NCALD: variants seen among roughly 807,000 people sequenced by gnomAD.
The protein encoded by NCALD is neurocalcin-delta.
NCALD carries 10 observed loss-of-function variants against 18.6 expected under a neutral mutation model. That is an observed-to-expected ratio of 0.54 (90% CI 0.33 to 0.91). The LOEUF (loss-of-function observed/expected upper bound fraction) is 0.91. NCALD is among the 40% of genes least tolerant of loss of function. NCALD has a pLI of 0.03. For missense variants in NCALD, 184 were observed against 247.6 expected (o/e 0.74, Z 1.72); for synonymous variants, 88 against 87.4 (o/e 1.01, Z -0.04).
chr8:101,789,788 C>T (rs1812379486), intron 1 of NCALD, among the ~76,000 whole-genome samples: 1 of 152,106 alleles, frequency 6.6e-6, no homozygotes, highest in Admixed American at 6.5e-5. Flanking sequence ...AACTTCAGTA[C>T]TACAGGTATT....
At chr8:101,803,726 G>A (rs73699655) in intron 4 of NCALD, among the ~76,000 whole-genome samples, 2,594 of 152,292 alleles carry the variant, frequency 0.017, 61 homozygotes, top group African/African-American at 0.059. Flanking sequence ...TATAGGGGTT[G>A]AAGACTTCAG....
At chr8:101,939,769 C>A (rs1019859890) in intron 2 of NCALD, among the ~76,000 whole-genome samples, 1 of 152,166 alleles carries the variant, frequency 6.6e-6, no homozygotes, top group African/African-American at 2.4e-5. Context: ...ATGAGCATTG[C>A]GGAATGCCTA....
chr8:101,690,701 TAA>T, intron 3 of NCALD: 1 of 985,468 alleles, frequency 1.0e-6, no homozygotes, highest in South Asian at 4.7e-5. Context: ...ATGCATTTAT[TAA>T]TTTATTTTTA....
At chr8:102,012,900 T>C (rs2132072173) in intron 2 of NCALD, among the ~76,000 whole-genome samples, 1 of 152,282 alleles carries the variant, frequency 6.6e-6, no homozygotes, top group Middle Eastern at 3.4e-3. Context: ...AGGAGTTGAG[T>C]AAACATATAA....
rs78069044 is a variant in NCALD at position 101,705,654 on chromosome 8, C to T, written c.379-12758G>A. On this transcript the variant is annotated intron_variant, in intron 2 of 3. Transcript: ENST00000220931. ...CAAAGTCAGATCATAAAAGGAGATA[C>T]AGCTCTGCCTGGTTCTCTTTCTTGG... 6.6e-3 allele frequency among the ~76,000 whole-genome samples: 1,001 copies of T among 152,276 alleles called. 6 individuals carry two copies. Among genetic ancestry groups the T allele is most frequent in the African/African-American group, 0.023 (964 of 41,564 alleles).
At chr8:101,895,725 CAAAG>C (rs1165330875) in intron 3 of NCALD, among the ~76,000 whole-genome samples, 13 of 148,698 alleles carry the variant, frequency 8.7e-5, no homozygotes, top group African/African-American at 2.3e-4. Flanking sequence ...CAACAACAGA[CAAAG>C]AGAGAGCCAA....
chr8:101,898,223 T>G (rs1015446026), intron 3 of NCALD, among the ~76,000 whole-genome samples: 1 of 152,228 alleles, frequency 6.6e-6, no homozygotes, highest in South Asian at 2.1e-4. Context: ...TATTTTTATT[T>G]TAGCTGTTCT....
At chr8:101,855,539 T>A (rs1332124923) in intron 4 of NCALD, among the ~76,000 whole-genome samples, 2 of 152,164 alleles carry the variant, frequency 1.3e-5, no homozygotes, top group Non-Finnish European at 1.5e-5. Context: ...CAGCATAATA[T>A]AGTCAATCCT....
At chr8:102,107,235 TATATACAC>T (rs1476614260) in intron 1 of NCALD, among the ~76,000 whole-genome samples, 4 of 113,680 alleles carry the variant, frequency 3.5e-5, no homozygotes, top group Middle Eastern at 4.9e-3. Context: ...TATATATATA[TATATACAC>T]ATAGAAATAT....
intron 4 of NCALD, among the ~76,000 whole-genome samples, chr8:101,848,218 C>T (rs1036420464): frequency 2.6e-5 from 4 of 152,092 alleles, no homozygotes; most frequent in Non-Finnish European, 5.9e-5. Flanking sequence ...AGAGGCTTAG[C>T]TAACAACCTT....
intron 2 of NCALD, among the ~76,000 whole-genome samples, chr8:102,012,913 C>G (rs887790890): frequency 3.9e-5 from 6 of 152,090 alleles, no homozygotes; most frequent in African/African-American, 1.4e-4. Flanking sequence ...ACATATAAAG[C>G]AACTAATATA....
In NCALD at chr8:101,826,285, C is replaced by T. The variant is rs117217971; in HGVS notation, c.-20+60856G>A. Among the ~76,000 whole-genome samples, 854 of 152,308 alleles carry T rather than the reference C, an allele frequency of 5.6e-3. 9 individuals carry two copies. The highest frequency in any genetic ancestry group is 0.031 in the East Asian group (160 of 5,186). The stretch of plus-strand genomic sequence containing the variant: ...TAACAAATTCCACATCTAAATGGGG[C>T]AAATTAGCAAAGAATCACTCCCAGA... On this transcript the variant is annotated intron_variant, in intron 4 of 6. Transcript: ENST00000311028.
intron 1 of NCALD, among the ~76,000 whole-genome samples, chr8:102,070,607 A>G (rs1297481291): frequency 6.6e-6 from 1 of 152,286 alleles, no homozygotes; most frequent in Non-Finnish European, 1.5e-5. Flanking sequence ...CAGCTTGCAA[A>G]GAAACAATGG....
intron 2 of NCALD, among the ~76,000 whole-genome samples, chr8:101,941,746 T>C (rs1255094026): frequency 6.6e-6 from 1 of 152,156 alleles, no homozygotes; most frequent in African/African-American, 2.4e-5. Flanking sequence ...GGGTATTAAC[T>C]AAAAGCACCA....
Position 101,996,825 on chromosome 8 carries a change from A to G in NCALD, c.-157+23412T>C, listed in dbSNP as rs567138665. On this transcript the variant is annotated intron_variant, in intron 2 of 6. Coordinates refer to the NCALD transcript ENST00000311028. ...GTGATTTGGAAAATAATCCTGACAC[A>G]GACAAGAATAGCTGCAAAGGACAGA... 2.6e-5 allele frequency among the ~76,000 whole-genome samples: 4 copies of G among 152,378 alleles called. No homozygotes were observed. In the South Asian group the frequency reaches 6.2e-4, roughly 24 times the overall value.
At chr8:101,745,598 C>T (rs926886150) in intron 1 of NCALD, among the ~76,000 whole-genome samples, 8 of 152,300 alleles carry the variant, frequency 5.3e-5, no homozygotes, top group Middle Eastern at 3.4e-3. Flanking sequence ...AGTGATGTCA[C>T]AATGCAGTGA....
At chr8:102,025,343 T>C (rs923094641) in intron 1 of NCALD, among the ~76,000 whole-genome samples, 3 of 152,216 alleles carry the variant, frequency 2.0e-5, no homozygotes, top group Admixed American at 6.5e-5. Context: ...TTTTCCTTCA[T>C]TGCATTTATC....
intron 1 of NCALD, among the ~76,000 whole-genome samples, chr8:101,790,435 C>T (rs751145668): frequency 4.6e-4 from 70 of 152,244 alleles, no homozygotes; most frequent in Non-Finnish European, 6.2e-4. Flanking sequence ...AAGATAGAAA[C>T]CAAATTCCAA....
chr8:101,941,342 C>T lies in NCALD; in HGVS notation c.-156-25484G>A, dbSNP rs764420507. Among the ~76,000 whole-genome samples the T allele has an allele frequency of 6.6e-5, 10 of 152,200 alleles. No homozygotes were observed. The East Asian group carries it at 1.9e-3, about 29-fold the overall frequency. The stretch of plus-strand genomic sequence containing the variant: ...GCATGCAAGTTCACAATAGAGCTCA[C>T]GCTCCTATGAGAATCCAAGGCCACT... On this transcript the variant is annotated intron_variant, in intron 2 of 6. Coordinates refer to the NCALD transcript ENST00000311028.
Sources: allele counts gnomAD v4.1 joint callset (sites outside exome capture counted in the v4.1 genomes callset), GRCh38; gene constraint gnomAD v4.1.1; transcripts MANE v1.5; gene names NCBI Gene and HGNC (gene_info 2026-07-23, HGNC 2026-07-21).